The following CLDN10 variants were observed in gnomAD, a reference collection of about 807,000 sequenced individuals.
CLDN10 encodes claudin-10.
CLDN10 carries 15 observed loss-of-function variants against 22.9 expected under a neutral mutation model. The observed-to-expected ratio is 0.65, with a 90% confidence interval of 0.44 to 1.01. The LOEUF is 1.01. Ranked by LOEUF, CLDN10 falls within the 50% of genes least tolerant of loss-of-function variation. The pLI, the probability that CLDN10 is intolerant of heterozygous loss-of-function variation, is 0.00. For synonymous variants in CLDN10, 114 were observed against 111.4 expected (o/e 1.02, Z -0.15); for missense variants, 247 against 287.8 (o/e 0.86, Z 1.03).
rs150562172 is a variant in CLDN10 at position 95,514,926 on chromosome 13, G to A, written c.215-45206G>A. On this transcript the variant is annotated intron_variant, in intron 1 of 4. Coordinates refer to the CLDN10 transcript ENST00000376873. ...TCCCGCAGACTTGCATGGAGATGGC[G>A]CTGAAGATGGTAAAGAGGAGACAGA... Among the ~76,000 whole-genome samples, 102 of 152,286 alleles carry A rather than the reference G, an allele frequency of 6.7e-4. 1 individual carries two copies. The highest frequency in any genetic ancestry group is 2.0e-3 in the African/African-American group (84 of 41,566).
intron 1 of CLDN10, among the ~76,000 whole-genome samples, chr13:95,536,379 G>A (rs1180056762): frequency 6.6e-6 from 1 of 152,052 alleles, no homozygotes; most frequent in Non-Finnish European, 1.5e-5. Flanking sequence ...AACCCAGGAG[G>A]TGGAGGTTGC....
chr13:95,509,533 T>G (rs1405014293), intron 1 of CLDN10, among the ~76,000 whole-genome samples: 1 of 152,188 alleles, frequency 6.6e-6, no homozygotes, highest in Non-Finnish European at 1.5e-5. Context: ...TTGGATCTGC[T>G]CCAGTGAACA....
rs71722865 is a variant in CLDN10 at position 95,495,743 on chromosome 13, C to CAA, written c.214+61710_214+61711dup. On this transcript the variant is annotated intron_variant, in intron 1 of 4. Coordinates refer to the CLDN10 transcript ENST00000376873. ...TGGGCGACAGAGCCAGACTCCACCT[C>CAA]AAAAAAAAAAAAAAAGAAAAGAAAG... Among the ~76,000 whole-genome samples, 337 of 85,678 alleles carry CAA rather than the reference C, an allele frequency of 3.9e-3. 4 individuals are homozygous for CAA. Among genetic ancestry groups the CAA allele is most frequent in the African/African-American group, 0.012 (264 of 21,592 alleles). The allele number at this position is 85,678 out of a possible 152,430, so 56.2% of individuals were successfully genotyped here.
At chr13:95,479,117 G>A (rs977984540) in intron 1 of CLDN10, among the ~76,000 whole-genome samples, 17 of 152,198 alleles carry the variant, frequency 1.1e-4, no homozygotes, top group African/African-American at 3.6e-4. Flanking sequence ...TTGGGAGGCC[G>A]AGGCAGGCAG....
intron 3 of CLDN10, among the ~76,000 whole-genome samples, chr13:95,575,932 G>A (rs965899666): frequency 2.0e-5 from 3 of 152,146 alleles, no homozygotes; most frequent in South Asian, 4.1e-4. Flanking sequence ...ACTAAAATAG[G>A]ATGCCAGTGC....
At chr13:95,500,548 A>G (rs2042974327) in intron 1 of CLDN10, among the ~76,000 whole-genome samples, 1 of 152,178 alleles carries the variant, frequency 6.6e-6, no homozygotes, top group Non-Finnish European at 1.5e-5. Flanking sequence ...GTAGCTGAGT[A>G]CAGAAGGATG....
In CLDN10 at chr13:95,478,893, G is replaced by A. The variant is rs72649671; in HGVS notation, c.214+44846G>A. ...TCACAAGGAGCCTCAGGGAGTTATA[G>A]GTCACTGGCCAAGCACTGCCCTGGC... On this transcript the variant is annotated intron_variant, in intron 1 of 4. Coordinates refer to the CLDN10 transcript ENST00000376873. Among the ~76,000 whole-genome samples, 216 of 152,332 alleles carry A rather than the reference G, an allele frequency of 1.4e-3. 1 individual carries two copies. The highest frequency in any genetic ancestry group is 2.1e-3 in the Admixed American group (32 of 15,294).
chr13:95,473,272 T>C, intron 1 of CLDN10, among the ~76,000 whole-genome samples: 1 of 152,030 alleles, frequency 6.6e-6, no homozygotes, highest in East Asian at 1.9e-4. Flanking sequence ...AGCTAATGCA[T>C]GCTGAGCTTA....
Position 95,437,862 on chromosome 13 carries a change from T to G in CLDN10, c.214+3815T>G, listed in dbSNP as rs376388148. ...TTGACTTCAGCAATGACATCTTCTG[T>G]GCCTCATCCATAAATTAAGAGAACA... On this transcript the variant is annotated intron_variant, in intron 1 of 4. Transcript: ENST00000376873. Among the ~76,000 whole-genome samples, 143 of 152,278 alleles carry G rather than the reference T, an allele frequency of 9.4e-4. 6 individuals carry two copies. In the South Asian group the frequency reaches 0.029, roughly 30 times the overall value.
intron 1 of CLDN10, among the ~76,000 whole-genome samples, chr13:95,533,214 C>CAAA (rs5805939): frequency 1.6e-5 from 2 of 124,662 alleles, no homozygotes; most frequent in East Asian, 2.2e-4. Flanking sequence ...TTAAATATTC[C>CAAA]AAAAAAAAAA....
intron 1 of CLDN10, among the ~76,000 whole-genome samples, chr13:95,475,885 C>A (rs1161359267): frequency 6.6e-6 from 1 of 151,986 alleles, no homozygotes; most frequent in African/African-American, 2.4e-5. Flanking sequence ...GACTTGAGCA[C>A]CATGGCTCTG....
chr13:95,537,159 CCTCT>C (rs2043408933), intron 1 of CLDN10, among the ~76,000 whole-genome samples: 1 of 152,134 alleles, frequency 6.6e-6, no homozygotes, highest in Admixed American at 6.5e-5. Flanking sequence ...GAAAAGAAAA[CCTCT>C]CTGTTTACAA....
chr13:95,562,430 AAC>A (rs1459678800), intron 3 of CLDN10, among the ~76,000 whole-genome samples: 1 of 152,206 alleles, frequency 6.6e-6, no homozygotes, highest in African/African-American at 2.4e-5. Flanking sequence ...GGGAAAGAAA[AAC>A]AAATTTTATT....
chr13:95,529,288 G>A (rs180790208), intron 1 of CLDN10, among the ~76,000 whole-genome samples: 19 of 152,100 alleles, frequency 1.2e-4, no homozygotes, highest in Non-Finnish European at 2.1e-4. Flanking sequence ...AGTTAGTGGT[G>A]CTTTCTTTTC....
At chr13:95,465,559 A>T (rs2042575347) in intron 1 of CLDN10, among the ~76,000 whole-genome samples, 1 of 152,224 alleles carries the variant, frequency 6.6e-6, no homozygotes, top group Non-Finnish European at 1.5e-5. Context: ...CATTCACTAC[A>T]AAAATACTCA....
At chr13:95,454,960 G>A (rs1221511550) in intron 1 of CLDN10, among the ~76,000 whole-genome samples, 1 of 152,150 alleles carries the variant, frequency 6.6e-6, no homozygotes, top group Non-Finnish European at 1.5e-5. Context: ...GCCAAGGGAG[G>A]AGGATCACTT....
rs149361882 is a variant in CLDN10, at chr13:95,525,268, T to C, written c.215-34864T>C. Among the ~76,000 whole-genome samples the C allele has an allele frequency of 3.5e-3, 540 of 152,336 alleles. 3 individuals are homozygous for C. Among genetic ancestry groups the C allele is most frequent in the South Asian group, 0.031 (149 of 4,822 alleles). ...TAATGATGTTGAACATCTTTTCATA[T>C]GTTTATTGGCTATTTACATATCTTC... is the stretch of plus-strand genomic sequence containing the variant. On this transcript the variant is annotated intron_variant, in intron 1 of 4. Coordinates refer to the CLDN10 transcript ENST00000376873.
chr13:95,453,536 T>C (rs2042452196), intron 1 of CLDN10, among the ~76,000 whole-genome samples: 1 of 151,714 alleles, frequency 6.6e-6, no homozygotes, highest in Non-Finnish European at 1.5e-5. Flanking sequence ...TACAAAAACT[T>C]AGCGGGTTAT....
chr13:95,480,438 G>A (rs2042733497), intron 1 of CLDN10, among the ~76,000 whole-genome samples: 1 of 152,218 alleles, frequency 6.6e-6, no homozygotes, highest in African/African-American at 2.4e-5. Context: ...GCTGGGCTCA[G>A]GCCAGATGCG....
Sources: allele counts gnomAD v4.1 joint callset (sites outside exome capture counted in the v4.1 genomes callset), GRCh38; gene constraint gnomAD v4.1.1; transcripts MANE v1.5; gene names NCBI Gene and HGNC (gene_info 2026-07-23, HGNC 2026-07-21).